The following AP2A2 variants were observed in gnomAD, a reference collection of about 807,000 sequenced individuals.
AP2A2 encodes the protein AP-2 complex subunit alpha-2.
A neutral mutation model predicts 104.2 loss-of-function variants in AP2A2; 32 were observed. That is an observed-to-expected ratio of 0.31 (90% CI 0.23 to 0.41). The LOEUF is 0.41. AP2A2 is among the 10% of genes least tolerant of loss of function. The pLI, the probability that AP2A2 is intolerant of heterozygous loss-of-function variation, is 1.00. For synonymous variants in AP2A2, 539 were observed against 533.3 expected, an observed-to-expected ratio of 1.01 and a Z score of -0.15; for missense variants, 912 against 1,261.0, an observed-to-expected ratio of 0.72 and a Z score of 4.19.
chr11:1,009,426 G>A, intron 20 of AP2A2, 29 bp downstream of exon 20: 2 of 1,596,388 alleles, frequency 1.3e-6, no homozygotes, highest in Non-Finnish European at 1.7e-6. Flanking sequence ...CGGCCCCGGG[G>A]GACACGCAGC....
At chr11:951,378 T>G (rs546475567) in intron 1 of AP2A2, among the ~76,000 whole-genome samples, 1 of 152,014 alleles carries the variant, frequency 6.6e-6, no homozygotes, top group South Asian at 2.1e-4. Context: ...AATACAAAAA[T>G]TAGCTGGGCG....
At chr11:927,076 C>CT (rs1853143905) in intron 1 of AP2A2, among the ~76,000 whole-genome samples, 1 of 151,882 alleles carries the variant, frequency 6.6e-6, no homozygotes, top group Non-Finnish European at 1.5e-5. Flanking sequence ...TTTTGTTTTT[C>CT]TTTTTTTTGA....
intron 16 of AP2A2, among the ~76,000 whole-genome samples, chr11:1,005,101 A>T (rs1328377614): frequency 6.6e-6 from 1 of 152,244 alleles, no homozygotes; most frequent in African/African-American, 2.4e-5. Context: ...TCATGGGTGG[A>T]TGCCTAATTA....
Position 1,009,720 on chromosome 11 carries a change from A to G in AP2A2, c.2645A>G (p.Asp882Gly). The stretch of plus-strand genomic sequence containing the variant: ...GGTTCTGCACTTCTTGAAGAAGTTG[A>G]TCCTAATCCTGCGAATTTCGTGGGA... ...GFGSALLEEV[D>G]PNPANFVGAG... Residue 882 changes from aspartate (D) to glycine (G), a missense_variant, in exon 21 of 22, where the codon GAT (aspartate) becomes GGT (glycine). Around this residue, in one of 7 missense-constraint regions of AP2A2, gnomAD observed 239 missense variants for 329.8 expected, o/e 0.72. Transcript: ENST00000448903. The G allele has an allele frequency of 1.3e-6, 2 of 1,565,732 alleles. No individual in the cohort carries two copies.
At chr11:930,713 G>A (rs1427264779) in intron 1 of AP2A2, among the ~76,000 whole-genome samples, 2 of 152,086 alleles carry the variant, frequency 1.3e-5, no homozygotes, top group African/African-American at 2.4e-5. Flanking sequence ...GTAGAGACGG[G>A]GTTTCACCGT....
At chr11:1,007,005 C>T (rs766730078) in intron 17 of AP2A2, 64 of 174,798 alleles carry the variant, frequency 3.7e-4, no homozygotes, top group Non-Finnish European at 7.0e-4. Flanking sequence ...GACTGGAGCG[C>T]GGTGCGCACC....
intron 6 of AP2A2, among the ~76,000 whole-genome samples, chr11:984,304 G>T (rs1022440160): frequency 1.3e-5 from 2 of 152,092 alleles, no homozygotes; most frequent in Non-Finnish European, 2.9e-5. Flanking sequence ...TTCTGGGGGT[G>T]GGGGTGCTTC....
intron 4 of AP2A2, among the ~76,000 whole-genome samples, chr11:975,729 T>G (rs1200534808): frequency 4.7e-3 from 432 of 92,804 alleles, no homozygotes; most frequent in Middle Eastern, 8.3e-3. Context: ...GGCGAGTAGC[T>G]GTGGGATCCT....
rs753325298 is a variant in AP2A2, at chr11:993,826, G to C, written c.1623G>C (p.Leu541=). Residue 541 remains leucine, a synonymous_variant, in exon 13 of 22, where the codon CTG becomes CTC. Coordinates refer to ENST00000448903, the MANE Select transcript of AP2A2 (RefSeq NM_012305.4). This position sits in a 1 kb window ranked among gnomAD's most constrained non-coding sequence, Gnocchi z 8.2. Reference sequence around the variant, plus strand: ...GCGTCCCCACCCGCGCGCTGCTCCTGTCCACCTACATCAAGTTCGTGAACC... The same window carrying C: ...GCGTCCCCACCCGCGCGCTGCTCCTCTCCACCTACATCAAGTTCGTGAACC... ...LCSVPTRALL[L]STYIKFVNLF... is the part of the protein sequence containing the mutation. 63 of 1,608,656 alleles carry C rather than the reference G, an allele frequency of 3.9e-5. No individual in the cohort carries two copies. In the Middle Eastern group the frequency reaches 4.9e-4, roughly 13 times the overall value.
intron 6 of AP2A2, among the ~76,000 whole-genome samples, chr11:983,592 C>A (rs545005392): frequency 6.6e-6 from 1 of 151,796 alleles, no homozygotes; most frequent in Non-Finnish European, 1.5e-5. Context: ...ACTGTGTTAG[C>A]CAGGATGGTC....
Position 986,967 on chromosome 11 carries a change from C to A in AP2A2, c.1131+14C>A, listed in dbSNP as rs1354125759. 1 of 1,564,240 alleles carries A rather than the reference C, an allele frequency of 6.4e-7. No homozygotes were observed. Among genetic ancestry groups the A allele is most frequent in the Non-Finnish European group, 8.7e-7 (1 of 1,154,476 alleles). On this transcript the variant is annotated intron_variant, in intron 9 of 21. Coordinates refer to ENST00000448903, the MANE Select transcript of AP2A2 (RefSeq NM_012305.4). ...AACGCCCTGAAGGCGAGTGCCCTGT[C>A]CTTGGGTTCTGCTCACTCCCTGAGC...
intron 6 of AP2A2, among the ~76,000 whole-genome samples, chr11:982,732 T>C (rs10902261): frequency 0.58 from 87,191 of 150,740 alleles, 26,015 homozygotes; most frequent in Middle Eastern, 0.73. Flanking sequence ...CTCACCATAA[T>C]CTCTGCCTCC....
intron 14 of AP2A2, among the ~76,000 whole-genome samples, chr11:994,515 G>A (rs1293757172): frequency 3.2e-4 from 43 of 132,806 alleles, no homozygotes; most frequent in African/African-American, 7.2e-4. Flanking sequence ...TGTCTGTCCC[G>A]GGGGCCACTG....
chr11:954,168 C>T (rs1854152188), intron 1 of AP2A2, among the ~76,000 whole-genome samples: 1 of 152,302 alleles, frequency 6.6e-6, no homozygotes, highest in Non-Finnish European at 1.5e-5. Context: ...TGAGGTTGTA[C>T]GGCCGTTGGT....
At position 978,026 on chromosome 11, in the gene AP2A2, C is replaced by T. The variant is rs373675316; in HGVS notation, c.603+802C>T. Among the ~76,000 whole-genome samples, 12 of 152,290 alleles carry T rather than the reference C, an allele frequency of 7.9e-5. No homozygotes were observed. In the East Asian group the frequency reaches 2.3e-3, roughly 29 times the overall value. On this transcript the variant is annotated intron_variant, in intron 5 of 21. Transcript: ENST00000448903. The stretch of plus-strand genomic sequence containing the variant: ...ACCGTGGGAGGTCATGGGATTTTCC[C>T]GCTTTGCAGTCAAGGAGGCCGAAGC...
In AP2A2 at chr11:1,005,158, A is replaced by G. The variant is rs141518772; in HGVS notation, c.2206+1354A>G. Among the ~76,000 whole-genome samples the G allele has an allele frequency of 1.1e-4, 17 of 152,358 alleles. No homozygotes were observed. In the East Asian group the frequency reaches 3.1e-3, roughly 28 times the overall value. On this transcript the variant is annotated intron_variant, in intron 16 of 21. Transcript: ENST00000448903. Reference sequence around the variant, plus strand: ...GCAGTGGAATATTATTCAGCCATCAAACGGCAGAAAGGAATGAAATTCTGA... The same window carrying G: ...GCAGTGGAATATTATTCAGCCATCAGACGGCAGAAAGGAATGAAATTCTGA...
chr11:1,000,360 C>A, intron 14 of AP2A2, 72 bp from the exon 15 acceptor site: 1 of 1,468,140 alleles, frequency 6.8e-7, no homozygotes, highest in African/African-American at 1.4e-5. Flanking sequence ...GGAGGACGTG[C>A]AGGCGTGAGC....
intron 2 of AP2A2, among the ~76,000 whole-genome samples, chr11:967,618 C>T (rs1453318396): frequency 6.6e-6 from 1 of 152,082 alleles, no homozygotes; most frequent in Non-Finnish European, 1.5e-5. Context: ...CCTCAGCCTC[C>T]CAAAGTGCTG....
chr11:993,949 C>T lies in AP2A2; in HGVS notation c.1746C>T (p.Tyr582=), dbSNP rs1431743891. 1.2e-6 allele frequency: 2 copies of T among 1,612,596 alleles called. No homozygotes were observed. Among genetic ancestry groups the T allele is most frequent in the Non-Finnish European group, 1.7e-6 (2 of 1,179,762 alleles). Residue 582 remains tyrosine (Y), a synonymous_variant, in exon 13 of 22, where the codon TAC becomes TAT. Coordinates refer to ENST00000448903, the MANE Select transcript of AP2A2 (RefSeq NM_012305.4). This position sits in a 1 kb window ranked among gnomAD's most constrained non-coding sequence, Gnocchi z 8.2. Reference sequence around the variant, plus strand: ...AGCTGCAGCAGCGTGCTGTGGAGTACCTGCGGCTCAGCACCGTGGCCAGCA... The same window carrying T: ...AGCTGCAGCAGCGTGCTGTGGAGTATCTGCGGCTCAGCACCGTGGCCAGCA... ...DVELQQRAVE[Y]LRLSTVASTD...
Sources: gnomAD v4.1 joint callset for allele counts (sites outside exome capture counted in the v4.1 genomes callset) on GRCh38, gnomAD v4.1.1 for gene constraint, gnomAD v4.1.1 regional missense constraint, Gnocchi (gnomAD v3.1) non-coding constraint, MANE v1.5 for transcripts, NCBI Gene and HGNC (gene_info 2026-07-23, HGNC 2026-07-21) for gene names.